Variants in DUSP22 observed in about 807,000 individuals in gnomAD.
DUSP22 encodes dual specificity protein phosphatase 22.
In DUSP22, 24 loss-of-function variants were observed where a neutral mutation model predicts 24.5. That is an observed-to-expected ratio of 0.98 (90% CI 0.71 to 1.38). The LOEUF is 1.38. Among genes scored for constraint, DUSP22 ranks in the 40% most tolerant of loss-of-function variants. The pLI is 0.00. For missense variants in DUSP22, 330 were observed against 269.2 expected (o/e 1.23, Z -1.58); for synonymous variants, 160 against 106.4 (o/e 1.50, Z -3.10).
chr6:316,448 T>C (rs1383648887), intron 3 of DUSP22, among the ~76,000 whole-genome samples: 1 of 152,306 alleles, frequency 6.6e-6, no homozygotes, highest in Non-Finnish European at 1.5e-5. Context: ...GTTGCCCCTG[T>C]GTGCTGAAAA....
chr6:331,917 G>A (rs1417783813), intron 3 of DUSP22, among the ~76,000 whole-genome samples: 3 of 152,308 alleles, frequency 2.0e-5, no homozygotes, highest in Non-Finnish European at 2.9e-5. Flanking sequence ...GCGTCCTGTT[G>A]CAGTGGCCAG....
intron 3 of DUSP22, chr6:320,355 C>T (rs1007541759): frequency 6.5e-6 from 1 of 152,820 alleles, no homozygotes; most frequent in Non-Finnish European, 1.5e-5. Context: ...TGAGCAGTCA[C>T]CTGGCACAGG....
At chr6:293,179 T>A (rs1044627938) in intron 1 of DUSP22, among the ~76,000 whole-genome samples, 15 of 152,276 alleles carry the variant, frequency 9.9e-5, no homozygotes, top group African/African-American at 3.6e-4. Flanking sequence ...TGATGAGGCC[T>A]TCTGGAAAAT....
chr6:311,806 T>G, intron 2 of DUSP22, 74 bp from the exon 3 acceptor site: 1 of 1,470,840 alleles, frequency 6.8e-7, no homozygotes, highest in East Asian at 2.4e-5. Flanking sequence ...GGTTTTTTTT[T>G]TTTTCTGGCT....
At position 349,101 on chromosome 6, in the gene DUSP22, A is replaced by G; in HGVS notation, c.*150A>G. On this transcript the variant is annotated 3_prime_UTR_variant, in exon 7 of 7. Coordinates refer to ENST00000419235, the MANE Select transcript of DUSP22 (RefSeq NM_001286555.3). Reference sequence around the variant, plus strand: ...CTCCTTCCCCCAAGCAACACCGCCCAGCCCTGCTCCAGGCCCCTGCACTCC... The same window carrying G: ...CTCCTTCCCCCAAGCAACACCGCCCGGCCCTGCTCCAGGCCCCTGCACTCC... 6.9e-7 allele frequency: 1 copy of G among 1,454,996 alleles called. No homozygotes were observed. Among genetic ancestry groups the G allele is most frequent in the Non-Finnish European group, 9.0e-7 (1 of 1,108,818 alleles). The allele number at this position is 1,454,996 out of a possible 1,614,324, so 90.1% of individuals were successfully genotyped here.
chr6:341,495 C>A (rs1759604069), intron 4 of DUSP22, among the ~76,000 whole-genome samples: 1 of 152,312 alleles, frequency 6.6e-6, no homozygotes, highest in Admixed American at 6.5e-5. Context: ...CAGTCCTGCA[C>A]CAAAGTGGCA....
intron 1 of DUSP22, among the ~76,000 whole-genome samples, chr6:293,353 C>T (rs1757182480): frequency 6.6e-6 from 1 of 152,284 alleles, no homozygotes; most frequent in Non-Finnish European, 1.5e-5. Context: ...ATGTGAACCA[C>T]AGGGTTAAGG....
intron 3 of DUSP22, among the ~76,000 whole-genome samples, chr6:322,830 T>TGGCGGG (rs1554100347): frequency 9.6e-4 from 18 of 18,802 alleles, no homozygotes; most frequent in African/African-American, 3.1e-3. Context: ...GGCTGCTTGG[T>TGGCGGG]GGGGCGGGGG....
At chr6:298,586 T>A (rs1223521869) in intron 1 of DUSP22, among the ~76,000 whole-genome samples, 4 of 152,306 alleles carry the variant, frequency 2.6e-5, no homozygotes, top group Non-Finnish European at 5.9e-5. Flanking sequence ...GGATTTGTGT[T>A]TTTGCATTTC....
chr6:342,557 A>G (rs1481282354), intron 4 of DUSP22, among the ~76,000 whole-genome samples: 3 of 152,308 alleles, frequency 2.0e-5, no homozygotes, highest in Non-Finnish European at 4.4e-5. Context: ...GGGCCAGATG[A>G]GTTGGCTCAA....
chr6:315,961 A>G (rs1758320228), intron 3 of DUSP22, among the ~76,000 whole-genome samples: 2 of 152,308 alleles, frequency 1.3e-5, no homozygotes, highest in South Asian at 4.1e-4. Flanking sequence ...TCCCATAGGA[A>G]CAGAGCCTGT....
intron 3 of DUSP22, among the ~76,000 whole-genome samples, chr6:314,640 G>A (rs1353788766): frequency 6.6e-6 from 1 of 152,308 alleles, no homozygotes; most frequent in Admixed American, 6.5e-5. Flanking sequence ...CCTCTGGAAG[G>A]TTCACAGTTG....
rs1480594812 is a variant in DUSP22 at position 320,447 on chromosome 6, A to C, written c.138+8485A>C. 2.6e-5 allele frequency: 4 copies of C among 153,196 alleles called. No individual in the cohort carries two copies. In the East Asian group the frequency reaches 7.7e-4, roughly 29 times the overall value. The allele number at this position is 153,196 out of a possible 1,614,324, so 9.5% of individuals were successfully genotyped here. A position where few individuals can be genotyped will look rare whatever the true frequency, so the allele number is the denominator to read the frequency against. On this transcript the variant is annotated intron_variant, in intron 3 of 6. Transcript: ENST00000419235. ...CCACGTTGGGGAATGTGTGAAGGGC[A>C]AGATCTGCCAGGATATCGAAACCAA... is the stretch of plus-strand genomic sequence containing the variant.
intron 2 of DUSP22, among the ~76,000 whole-genome samples, chr6:309,682 A>G (rs1757977680): frequency 2.1e-5 from 1 of 46,726 alleles, no homozygotes; most frequent in Non-Finnish European, 6.7e-5. Context: ...CATGTAGAAC[A>G]CACACACACA....
intron 2 of DUSP22, among the ~76,000 whole-genome samples, chr6:305,052 T>C (rs1757760625): frequency 6.6e-6 from 1 of 152,306 alleles, no homozygotes; most frequent in Non-Finnish European, 1.5e-5. Context: ...TGAATAATAC[T>C]CCATTGTGTG....
intron 2 of DUSP22, among the ~76,000 whole-genome samples, chr6:311,202 G>A (rs1423487383): frequency 3.3e-5 from 5 of 152,300 alleles, no homozygotes; most frequent in Non-Finnish European, 7.3e-5. Flanking sequence ...TGTCTACTTG[G>A]CATCAGTCTA....
At chr6:296,361 C>T (rs573042767) in intron 1 of DUSP22, among the ~76,000 whole-genome samples, 1 of 152,306 alleles carries the variant, frequency 6.6e-6, no homozygotes, top group African/African-American at 2.4e-5. Context: ...TGGTTGTACA[C>T]AGAGGCTAAG....
At chr6:344,494 T>C (rs1283210251) in intron 4 of DUSP22, among the ~76,000 whole-genome samples, 1 of 152,298 alleles carries the variant, frequency 6.6e-6, no homozygotes, top group Non-Finnish European at 1.5e-5. Context: ...TTCGACATTT[T>C]GCCCCGGCTG....
rs1165635878 is a variant in DUSP22 at position 339,689 on chromosome 6, T to TG, written c.188+4530dup. 6.6e-5 allele frequency among the ~76,000 whole-genome samples: 10 copies of TG among 152,408 alleles called. No homozygotes were observed. In the East Asian group the frequency reaches 1.9e-3, roughly 29 times the overall value. Reference sequence around the variant, plus strand: ...GTCTGTAAATTTCTTGAGGTTTTTGTGGGGAGAAGAAGCTTTAGCAATACA... The same window carrying TG: ...GTCTGTAAATTTCTTGAGGTTTTTGTGGGGGAGAAGAAGCTTTAGCAATACA... On this transcript the variant is annotated intron_variant, in intron 4 of 6. Coordinates refer to ENST00000419235, the MANE Select transcript of DUSP22 (RefSeq NM_001286555.3).
Sources: allele counts gnomAD v4.1 joint callset (sites outside exome capture counted in the v4.1 genomes callset), GRCh38; gene constraint gnomAD v4.1.1; transcripts MANE v1.5; gene names NCBI Gene and HGNC (gene_info 2026-07-23, HGNC 2026-07-21).